EEF1A2: variants seen among roughly 807,000 people sequenced by gnomAD.
The protein encoded by EEF1A2 is eukaryotic translation elongation factor 1 alpha 2, also known as elongation factor 1-alpha 2.
In EEF1A2, 5 loss-of-function variants were observed where a neutral mutation model predicts 39.3. The ratio of observed to expected loss-of-function variants is 0.13; its 90% confidence interval spans 0.07 to 0.27. EEF1A2 has a LOEUF of 0.27. EEF1A2 is among the 10% of genes least tolerant of loss of function. The pLI is 1.00. For synonymous variants in EEF1A2, 287 were observed against 293.7 expected, an observed-to-expected ratio of 0.98 and a Z score of 0.23; for missense variants, 218 against 681.4, an observed-to-expected ratio of 0.32 and a Z score of 7.57.
chr20:63,492,472 A>AGATG (rs1568996217), intron 5 of EEF1A2, among the ~76,000 whole-genome samples: 31 of 39,430 alleles, frequency 7.9e-4, no homozygotes, highest in Admixed American at 3.5e-3. Flanking sequence ...ATGGATGGAG[A>AGATG]GATGGATGGA....
chr20:63,491,214 CCTGCTCCCTGCAGGCTCT>C (rs879433557), intron 5 of EEF1A2, among the ~76,000 whole-genome samples: 36,821 of 142,486 alleles, frequency 0.26, 4,754 homozygotes, highest in African/African-American at 0.39. Flanking sequence ...GGCCCTGCTC[CCTGCTCCCTGCAGGCTCT>C]CTGGGCCCCA....
chr20:63,492,324 GGATA>G (rs1177056845), intron 5 of EEF1A2, among the ~76,000 whole-genome samples: 1 of 152,180 alleles, frequency 6.6e-6, no homozygotes, highest in Non-Finnish European at 1.5e-5. Context: ...ATGGATGGAT[GGATA>G]GATAGAAGGA....
Position 63,497,665 on chromosome 20 carries a change from A to G in EEF1A2, c.99T>C (p.Gly33=). Residue 33 remains glycine, a synonymous_variant, in exon 2 of 8, where the codon GGT becomes GGC. Coordinates refer to ENST00000217182, the MANE Select transcript of EEF1A2 (RefSeq NM_001958.5). The surrounding 1 kb of genome is among the most constrained non-coding windows in gnomAD (Gnocchi z 7.3). ...TTGHLIYKCG[G]IDKRTIEKFE... The stretch of plus-strand genomic sequence containing the variant: ...ACTTCTCAATGGTCCTTTTGTCAAT[A>G]CCTCCGCATTTGTAGATGAGGTGGC... 2 of 1,612,728 alleles carry G rather than the reference A, an allele frequency of 1.2e-6. No homozygotes were observed. Among genetic ancestry groups the G allele is most frequent in the Non-Finnish European group, 1.7e-6 (2 of 1,179,784 alleles).
Position 63,494,973 on chromosome 20 carries a change from G to A in EEF1A2, c.453C>T (p.Gly151=), listed in dbSNP as rs764827474. The part of the protein sequence containing the change: ...YTLGVKQLIV[G]VNKMDSTEPA... ...GCTCTGTGGAGTCCATTTTGTTCAC[G>A]CCCACGATGAGCTGCTTCACACCCA... The change falls in exon 4 of 8, where the codon GGC becomes GGT. Residue 151 remains glycine, a synonymous_variant. Transcript: ENST00000217182. The A allele has an allele frequency of 4.3e-6, 7 of 1,612,788 alleles. No individual in the cohort carries two copies. The highest frequency in any genetic ancestry group is 5.1e-6 in the Non-Finnish European group (6 of 1,179,978).
chr20:63,489,210 G>A (rs1207671620), intron 6 of EEF1A2, 58 bp from the exon 7 acceptor site: 1 of 1,548,660 alleles, frequency 6.5e-7, no homozygotes, highest in Admixed American at 1.8e-5. Flanking sequence ...CCGGGAGGGC[G>A]CCAGAGCGGG....
chr20:63,493,417 A>C, intron 4 of EEF1A2, 130 bp from the exon 5 acceptor site: 1 of 1,098,854 alleles, frequency 9.1e-7, no homozygotes, highest in South Asian at 1.9e-5. Flanking sequence ...GAGATGAGGA[A>C]TTTCCCCACC....
intron 4 of EEF1A2, among the ~76,000 whole-genome samples, chr20:63,493,866 C>T (rs1459477880): frequency 6.6e-6 from 1 of 152,242 alleles, no homozygotes; most frequent in Non-Finnish European, 1.5e-5. Context: ...CCCCCCAGGG[C>T]CTGTGTAAGC....
chr20:63,490,345 G>A (rs544115703), intron 6 of EEF1A2, 134 bp downstream of exon 6: 28 of 1,167,094 alleles, frequency 2.4e-5, no homozygotes, highest in Admixed American at 1.0e-4. Flanking sequence ...GATTACAGGC[G>A]TGAACCACTG....
chr20:63,492,390 G>GGAGATGGATGGATGGATGGATGGA (rs769905403), intron 5 of EEF1A2, among the ~76,000 whole-genome samples: 1 of 129,662 alleles, frequency 7.7e-6, no homozygotes, highest in Non-Finnish European at 1.6e-5. Context: ...GGATGGGTGG[G>GGAGATGGATGGATGGATGGATGGA]TAGATGGATG....
rs750169560 is a variant in EEF1A2, at chr20:63,494,795, C to T, written c.621+10G>A. 1.3e-4 allele frequency: 210 copies of T among 1,605,306 alleles called. No individual in the cohort carries two copies. Among genetic ancestry groups the T allele is most frequent in the African/African-American group, 3.3e-4 (25 of 74,822 alleles). ...CTCCCGTGGCCCGCCCCGCCCTAGC[C>T]GCCACTCACGTTGGGGGAGGGCTCC... On this transcript the variant is annotated intron_variant, in intron 4 of 7. Transcript: ENST00000217182.
Position 63,489,042 on chromosome 20 carries a change from G to A in EEF1A2, c.1140C>T (p.Asp380=). The change falls in exon 7 of 8, where the codon GAC becomes GAT. Residue 380 remains aspartate, a synonymous_variant. Coordinates refer to ENST00000217182, the MANE Select transcript of EEF1A2 (RefSeq NM_001958.5). ...CKFAELKEKI[D]RRSGKKLEDN... is the part of the protein sequence containing the mutation. ...CCTCCAGCTTCTTGCCAGAGCGCCG[G>A]TCAATCTTCTCCTTCAGCTCCGCAA... 12 of 1,612,792 alleles carry A rather than the reference G, an allele frequency of 7.4e-6. No homozygotes were observed. The highest frequency in any genetic ancestry group is 1.0e-5 in the Non-Finnish European group (12 of 1,179,940).
Position 63,494,724 on chromosome 20 carries a change from C to T in EEF1A2, c.621+81G>A, listed in dbSNP as rs979244065. 34 of 1,507,552 alleles carry T rather than the reference C, an allele frequency of 2.3e-5. No homozygotes were observed. In the East Asian group the frequency reaches 5.0e-4, roughly 22 times the overall value. The allele number at this position is 1,507,552 out of a possible 1,614,324, so 93.4% of individuals were successfully genotyped here. ...CCCGGGGACAGGCCCTCGACCTCCC[C>T]GTGCCACCTGCCGGTGCCTCGCTCT... is the stretch of plus-strand genomic sequence containing the variant. On this transcript the variant is annotated intron_variant, in intron 4 of 7. Coordinates refer to ENST00000217182, the MANE Select transcript of EEF1A2 (RefSeq NM_001958.5).
At position 63,494,875 on chromosome 20, in the gene EEF1A2, T is replaced by C. The variant is rs753339494; in HGVS notation, c.551A>G (p.Asn184Ser). 1 of 1,612,620 alleles carries C rather than the reference T, an allele frequency of 6.2e-7. No homozygotes were observed. Reference protein sequence around the residue: ...VSAYIKKIGYNPATVPFVPIS... With the variant: ...VSAYIKKIGYSPATVPFVPIS... ...GGGCACAAAGGGCACGGTGGCCGGG[T>C]TGTAGCCGATCTTCTTGATGTAGGC... The change falls in exon 4 of 8, where the codon AAC becomes AGC. Residue 184 changes from asparagine (N) to serine (S), a missense_variant. Asn to Ser is a conservative substitution (Grantham distance 46). This residue lies in a region of EEF1A2 where 79 missense variants were observed against 172.3 expected (regional missense o/e 0.46). Coordinates refer to ENST00000217182, the MANE Select transcript of EEF1A2 (RefSeq NM_001958.5).
chr20:63,489,581 G>A (rs543562334), intron 6 of EEF1A2, among the ~76,000 whole-genome samples: 3 of 152,130 alleles, frequency 2.0e-5, no homozygotes, highest in South Asian at 2.1e-4. Context: ...TCAGGAGTTC[G>A]AGACCGGCCT....
chr20:63,494,000 AAAC>A (rs2082404706), intron 4 of EEF1A2, among the ~76,000 whole-genome samples: 1 of 152,348 alleles, frequency 6.6e-6, no homozygotes, highest in African/African-American at 2.4e-5. Context: ...CATCACAGGT[AAAC>A]AACACCGAGC....
chr20:63,493,750 G>A lies in EEF1A2; in HGVS notation c.622-463C>T, dbSNP rs747614493. Among the ~76,000 whole-genome samples, 10 of 152,324 alleles carry A rather than the reference G, an allele frequency of 6.6e-5. No individual in the cohort carries two copies. In the South Asian group the frequency reaches 8.3e-4, roughly 13 times the overall value. On this transcript the variant is annotated intron_variant, in intron 4 of 7. Coordinates refer to ENST00000217182, the MANE Select transcript of EEF1A2 (RefSeq NM_001958.5). ...CTCCGAGCTTGGCCCAGCCTTGTCC[G>A]GAGCTTCTCCTAGTGTGGCCCCCAC...
At chr20:63,495,790 G>C in intron 3 of EEF1A2, 66 bp downstream of exon 3, 1 of 1,571,242 alleles carries the variant, frequency 6.4e-7, no homozygotes, top group African/African-American at 1.3e-5. Flanking sequence ...GACCCCAGGG[G>C]CCCCCAGTGT....
At chr20:63,492,542 A>C (rs2082392699) in intron 5 of EEF1A2, among the ~76,000 whole-genome samples, 1 of 148,420 alleles carries the variant, frequency 6.7e-6, no homozygotes, top group South Asian at 2.2e-4. Context: ...GGAAGGATGG[A>C]TGGATGGATA....
intron 4 of EEF1A2, among the ~76,000 whole-genome samples, chr20:63,494,349 C>T (rs946673694): frequency 2.0e-5 from 3 of 152,244 alleles, no homozygotes; most frequent in African/African-American, 7.2e-5. Context: ...AGCCCAGAAG[C>T]ATGCACACTT....
Sources: allele counts gnomAD v4.1 joint callset (sites outside exome capture counted in the v4.1 genomes callset), GRCh38; gene constraint gnomAD v4.1.1; regional missense constraint gnomAD v4.1.1; non-coding constraint Gnocchi (gnomAD v3.1); transcripts MANE v1.5; gene names NCBI Gene and HGNC (gene_info 2026-07-23, HGNC 2026-07-21).